Variants in SYNJ1 observed in about 807,000 individuals in gnomAD.
SYNJ1 encodes the protein synaptojanin 1, also known as polyphosphatidylinositol phosphatase SYNJ1.
SYNJ1 carries 78 observed loss-of-function variants against 168.2 expected under a neutral mutation model. The ratio of observed to expected loss-of-function variants is 0.46; its 90% CI spans 0.39 to 0.56. The LOEUF (loss-of-function observed/expected upper bound fraction) is 0.56. Ranked by LOEUF, SYNJ1 falls within the 20% of genes least tolerant of loss-of-function variation. SYNJ1 has a pLI of 0.00. For synonymous variants in SYNJ1, 539 were observed against 548.6 expected (o/e 0.98, Z 0.24); for missense variants, 1,303 against 1,597.6 (o/e 0.82, Z 3.14).
At chr21:32,662,561 G>T (rs527333193) in intron 18 of SYNJ1, among the ~76,000 whole-genome samples, 1 of 152,234 alleles carries the variant, frequency 6.6e-6, no homozygotes, top group South Asian at 2.1e-4. Context: ...ACTTGTAAAT[G>T]ATACAAGTAT....
Position 32,656,780 on chromosome 21 carries a change from T to C in SYNJ1, c.2702A>G (p.Lys901Arg). Reference protein sequence around the residue: ...PPDGTVLVSIKSSLPENNFFD... With the variant: ...PPDGTVLVSIRSSLPENNFFD... ...AAAATTATTTTCTGGTAAAGAACTT[T>C]TGATTGAGACCAATACTGTACCATC... Residue 901 changes from lysine (K) to arginine (R), a missense_variant, in exon 21 of 33, where the codon AAA becomes AGA. This residue lies in a region of SYNJ1 where 920 missense variants were observed against 1,208.8 expected (regional missense o/e 0.76). Coordinates refer to ENST00000674351, the MANE Select transcript of SYNJ1 (RefSeq NM_203446.3). 2 of 1,614,178 alleles carry C rather than the reference T, an allele frequency of 1.2e-6. No individual in the cohort carries two copies. Among genetic ancestry groups the C allele is most frequent in the Non-Finnish European group, 1.7e-6 (2 of 1,180,022 alleles).
chr21:32,640,412 C>T (rs1601238500), intron 29 of SYNJ1, among the ~76,000 whole-genome samples: 1 of 152,186 alleles, frequency 6.6e-6, no homozygotes, highest in Non-Finnish European at 1.5e-5. Flanking sequence ...TTTCCTGCCT[C>T]AGCCTTCCGA....
chr21:32,727,632 C>CG (rs1315205571), intron 1 of SYNJ1, among the ~76,000 whole-genome samples: 1 of 152,140 alleles, frequency 6.6e-6, no homozygotes, highest in Admixed American at 6.5e-5. Flanking sequence ...CTCGGAGAGA[C>CG]GGAAGAGCCG....
chr21:32,630,971 C>G lies in SYNJ1; in HGVS notation c.*834G>C, dbSNP rs1202695201. Reference sequence around the variant, plus strand: ...AGCTCTATCCTGCCAAAAGCAAGTACCCACTGTTTTCTATTGCATGGCGTT... The same window carrying G: ...AGCTCTATCCTGCCAAAAGCAAGTAGCCACTGTTTTCTATTGCATGGCGTT... On this transcript the variant is annotated 3_prime_UTR_variant, in exon 33 of 33. Coordinates refer to ENST00000674351, the MANE Select transcript of SYNJ1 (RefSeq NM_203446.3). 3 of 1,591,700 alleles carry G rather than the reference C, an allele frequency of 1.9e-6. No homozygotes were observed. Among genetic ancestry groups the G allele is most frequent in the Admixed American group, 1.8e-5 (1 of 56,836 alleles).
At position 32,657,755 on chromosome 21, in the gene SYNJ1, C is replaced by T; in HGVS notation, c.2422G>A (p.Val808Ile). The T allele has an allele frequency of 6.2e-7, 1 of 1,612,944 alleles. No homozygotes were observed. The highest frequency in any genetic ancestry group is 8.5e-7 in the Non-Finnish European group (1 of 1,179,608). ...GGCCATTTCCTCCTTCTCCAAAGGA[C>T]ACGGTCTGTCCAGGCAGGGGTGCGG... ...KCRTPAWTDR[V>I]LWRRRKWPFD... The change falls in exon 19 of 33, where the codon GTC becomes ATC. Residue 808 changes from valine to isoleucine, a missense_variant. By Grantham distance (29) the Val-to-Ile change is conservative (BLOSUM62 3). Around this residue, in one of 2 missense-constraint regions of SYNJ1, gnomAD observed 920 missense variants for 1,208.8 expected, o/e 0.76. Coordinates refer to ENST00000674351, the MANE Select transcript of SYNJ1 (RefSeq NM_203446.3).
chr21:32,673,733 A>T (rs552211410), intron 13 of SYNJ1, among the ~76,000 whole-genome samples: 6 of 141,786 alleles, frequency 4.2e-5, no homozygotes, highest in South Asian at 4.4e-4. Context: ...ACACATCTTT[A>T]AAAAAAAAAA....
chr21:32,643,374 G>C (rs991642605), intron 27 of SYNJ1, 36 bp downstream of exon 27: 2 of 1,610,558 alleles, frequency 1.2e-6, no homozygotes, highest in African/African-American at 2.7e-5. Flanking sequence ...GAAATAAAAT[G>C]AGAGAACCAC....
intron 31 of SYNJ1, among the ~76,000 whole-genome samples, chr21:32,638,148 A>T (rs2145712259): frequency 6.6e-6 from 1 of 152,280 alleles, no homozygotes; most frequent in South Asian, 2.1e-4. Context: ...GGCTCACTGC[A>T]GCCTTGATGT....
chr21:32,668,087 CAG>C (rs2041023565), intron 15 of SYNJ1, among the ~76,000 whole-genome samples: 1 of 149,270 alleles, frequency 6.7e-6, no homozygotes. Flanking sequence ...ATATTTGAGA[CAG>C]AGTCTTGCTC....
chr21:32,643,582 AT>A, intron 26 of SYNJ1, 125 bp from the exon 27 acceptor site: 1 of 940,546 alleles, frequency 1.1e-6, no homozygotes, highest in Non-Finnish European at 1.6e-6. Flanking sequence ...ATTGCTTTAA[AT>A]TTCTTCAAAG....
intron 2 of SYNJ1, among the ~76,000 whole-genome samples, chr21:32,710,257 T>C (rs1267674571): frequency 6.6e-6 from 1 of 151,666 alleles, no homozygotes; most frequent in African/African-American, 2.4e-5. Flanking sequence ...AGATAGTAGG[T>C]AGAAATATAG....
chr21:32,691,064 T>C (rs1185341782), intron 6 of SYNJ1, among the ~76,000 whole-genome samples: 8 of 152,246 alleles, frequency 5.3e-5, no homozygotes, highest in Non-Finnish European at 1.2e-4. Context: ...GACCTTACAA[T>C]GTTTACCATT....
intron 23 of SYNJ1, 75 bp downstream of exon 23, chr21:32,650,109 T>C: frequency 2.0e-6 from 3 of 1,493,966 alleles, no homozygotes; most frequent in Admixed American, 2.3e-5. Flanking sequence ...AAGATGAACT[T>C]GGAAAATAAG....
chr21:32,641,791 T>G, intron 29 of SYNJ1, 105 bp downstream of exon 29: 3 of 700,770 alleles, frequency 4.3e-6, no homozygotes, highest in Non-Finnish European at 7.1e-6. Flanking sequence ...ATGAGGAAAT[T>G]GAGGCCTTGA....
intron 2 of SYNJ1, among the ~76,000 whole-genome samples, chr21:32,718,945 T>C (rs902694571): frequency 8.5e-5 from 13 of 152,084 alleles, no homozygotes; most frequent in African/African-American, 2.9e-4. Flanking sequence ...CTGAAAATAA[T>C]AGCCACACAA....
rs140975336 is a variant in SYNJ1 at position 32,694,182 on chromosome 21, T to C, written c.789+46A>G. 6.1e-4 allele frequency: 823 copies of C among 1,348,236 alleles called. 15 individuals are homozygous for C. The East Asian group carries it at 0.021, about 34-fold the overall frequency. 83.5% of individuals were successfully genotyped at this position (1,348,236 alleles called of 1,614,324 possible). On this transcript the variant is annotated intron_variant, in intron 6 of 32. Transcript: ENST00000674351. ...AACTATCCAGAAAGTTTAGAAAATA[T>C]GAAAATTGTTCAAAAAACAAAAATA...
intron 32 of SYNJ1, 132 bp downstream of exon 32, chr21:32,634,729 T>C (rs1171932077): frequency 3.4e-6 from 3 of 873,732 alleles, no homozygotes; most frequent in Non-Finnish European, 5.1e-6. Flanking sequence ...TTTTATGGTA[T>C]GATAGAATTT....
In SYNJ1 at chr21:32,709,952, A is replaced by C. The variant is rs537124195; in HGVS notation, c.125-7905T>G. Among the ~76,000 whole-genome samples the C allele has an allele frequency of 3.3e-5, 5 of 152,170 alleles. No homozygotes were observed. The East Asian group carries it at 9.8e-4, about 30-fold the overall frequency. ...GGTGGCTCATGCCTGTAATCCCAGCACTTTGGGAGGCCAAGGTGGGAGGAT... is the reference window on the plus strand; with the variant it reads ...GGTGGCTCATGCCTGTAATCCCAGCCCTTTGGGAGGCCAAGGTGGGAGGAT... On this transcript the variant is annotated intron_variant, in intron 2 of 32. Transcript: ENST00000674351.
chr21:32,727,999 G>A lies in SYNJ1; in HGVS notation c.-76C>T, dbSNP rs1416068005. The A allele has an allele frequency of 2.0e-6, 3 of 1,536,036 alleles. No individual in the cohort carries two copies. The highest frequency in any genetic ancestry group is 2.5e-5 in the East Asian group (1 of 40,722). ...TCCCGCAGCCGCCGCCACAGCCGCC[G>A]GGAGCGTCACTTCCGCTCCAGCAGG... On this transcript the variant is annotated 5_prime_UTR_variant, in exon 1 of 33. Coordinates refer to ENST00000674351, the MANE Select transcript of SYNJ1 (RefSeq NM_203446.3).
Sources: allele counts gnomAD v4.1 joint callset (sites outside exome capture counted in the v4.1 genomes callset), GRCh38; gene constraint gnomAD v4.1.1; regional missense constraint gnomAD v4.1.1; transcripts MANE v1.5; gene names NCBI Gene and HGNC (gene_info 2026-07-23, HGNC 2026-07-21).